The following CPZ variants were observed in gnomAD, a reference collection of about 807,000 sequenced individuals.
The protein encoded by CPZ is carboxypeptidase Z, also known as VEZT/CPZ fusion.
CPZ carries 103 observed loss-of-function variants against 61.8 expected under a neutral mutation model. That is an observed-to-expected ratio of 1.67 (90% confidence interval 1.42 to 1.96). The LOEUF (loss-of-function observed/expected upper bound fraction) is 1.96, where lower values mean the gene tolerates loss of function less well. Among genes scored for constraint, CPZ ranks in the 30% most tolerant of loss-of-function variants. The probability of loss-of-function intolerance (pLI) is 0.00; values close to 1 mark genes in which losing one functional copy is unlikely to be tolerated. For missense variants in CPZ, 1,461 were observed against 914.9 expected, an observed-to-expected ratio of 1.60 and a Z score of -7.70; for synonymous variants, 551 against 373.7, an observed-to-expected ratio of 1.47 and a Z score of -5.47.
At chr4:8,599,606 A>G (rs1394289542) in intron 2 of CPZ, 121 bp downstream of exon 2, 1 of 1,517,354 alleles carries the variant, frequency 6.6e-7, no homozygotes, top group Non-Finnish European at 8.9e-7. Flanking sequence ...AACACAGCCC[A>G]TTAATCAAAC....
chr4:8,618,348 C>G (rs1716379903), intron 9 of CPZ, 81 bp from the exon 10 acceptor site: 1 of 1,336,900 alleles, frequency 7.5e-7, no homozygotes, highest in Non-Finnish European at 1.1e-6. Context: ...CTCTGAGGAG[C>G]ATGTGGGGAA....
Position 8,604,146 on chromosome 4 carries a change from C to T in CPZ, c.667C>T (p.Leu223=). 1 of 1,586,158 alleles carries T rather than the reference C, an allele frequency of 6.3e-7. No homozygotes were observed. Among genetic ancestry groups the T allele is most frequent in the Non-Finnish European group, 8.6e-7 (1 of 1,165,994 alleles). The stretch of plus-strand genomic sequence containing the variant: ...GCGCAGCTTCGACGGCAGGGAGCTG[C>T]TGGTCATCGAGTTCTCCAGCCGCCC... The part of the protein sequence containing the change: ...IGRSFDGREL[L]VIEFSSRPGQ... Residue 223 remains leucine (L), a synonymous_variant, in exon 4 of 11, where the codon CTG becomes TTG. Coordinates refer to ENST00000360986, the MANE Select transcript of CPZ (RefSeq NM_001014447.3).
rs780813542 is a variant in CPZ, at chr4:8,619,437, T to C, written c.1779T>C (p.His593=). The change falls in exon 11 of 11, where the codon CAT becomes CAC. Residue 593 remains histidine (H), a synonymous_variant. Transcript: ENST00000360986. The part of the protein sequence containing the change: ...PLGMGPKNFI[H]GLRRTGPHDP... ...GGATGGGACCCAAGAACTTTATTCA[T>C]GGGCTGCGGAGGACTGGGCCCCACG... 1.9e-6 allele frequency: 3 copies of C among 1,613,862 alleles called. No individual in the cohort carries two copies. The highest frequency in any genetic ancestry group is 2.2e-5 in the East Asian group (1 of 44,876).
rs1027579381 is a variant in CPZ at position 8,611,916 on chromosome 4, C to T, written c.1228-111C>T. On this transcript the variant is annotated intron_variant, in intron 7 of 10. Transcript: ENST00000360986. ...CTACCTGCAGACACCATTCCCCTCT[C>T]CTATCTGCAATGCAGGTGTTTGCAC... The T allele has an allele frequency of 4.8e-6, 7 of 1,455,024 alleles. No homozygotes were observed. The African/African-American group carries it at 5.6e-5, about 12-fold the overall frequency. The allele number at this position is 1,455,024 out of a possible 1,614,324, so 90.1% of individuals were successfully genotyped here.
intron 7 of CPZ, among the ~76,000 whole-genome samples, chr4:8,609,385 A>C (rs747736952): frequency 6.8e-6 from 1 of 147,938 alleles, no homozygotes; most frequent in Non-Finnish European, 1.5e-5. Flanking sequence ...ACTCACTCTT[A>C]TTCTTTCACT....
Position 8,604,187 on chromosome 4 carries a change from G to A in CPZ, c.708G>A (p.Leu236=), listed in dbSNP as rs1402024779. 2 of 1,547,042 alleles carry A rather than the reference G, an allele frequency of 1.3e-6. No individual in the cohort carries two copies. Among genetic ancestry groups the A allele is most frequent in the Non-Finnish European group, 1.7e-6 (2 of 1,143,022 alleles). The part of the protein sequence containing the change: ...EFSSRPGQHE[L]MEPEVKLIGN... Reference sequence around the variant, plus strand: ...CCAGCCGCCCCGGCCAGCACGAGCTGAGTGAGTGCCCTTGGGAGAGCCTGG... The same window carrying A: ...CCAGCCGCCCCGGCCAGCACGAGCTAAGTGAGTGCCCTTGGGAGAGCCTGG... The change falls in exon 4 of 11, where the codon CTG becomes CTA. Residue 236 remains leucine, a splice_region_variant and synonymous_variant. Coordinates refer to ENST00000360986, the MANE Select transcript of CPZ (RefSeq NM_001014447.3).
At chr4:8,614,179 C>T (rs996181577) in intron 8 of CPZ, among the ~76,000 whole-genome samples, 180 bp from the exon 9 acceptor site, 4 of 152,232 alleles carry the variant, frequency 2.6e-5, no homozygotes, top group South Asian at 2.1e-4. Context: ...GCGTCTGTGG[C>T]GAGTACCTGC....
intron 9 of CPZ, among the ~76,000 whole-genome samples, chr4:8,617,493 A>G (rs1345194902): frequency 6.6e-6 from 1 of 152,234 alleles, no homozygotes; most frequent in African/African-American, 2.4e-5. Context: ...AAAATTATAC[A>G]ACAGTCGACA....
chr4:8,605,597 TTC>T lies in CPZ; in HGVS notation c.710-391_710-390del, dbSNP rs1491320606. Among the ~76,000 whole-genome samples, 331 of 130,276 alleles carry T rather than the reference TTC, an allele frequency of 2.5e-3. 3 individuals are homozygous for T. The highest frequency in any genetic ancestry group is 0.011 in the African/African-American group (313 of 28,316). The allele number at this position is 130,276 out of a possible 152,430, so 85.5% of individuals were successfully genotyped here. ...CATCCAGCCATCCAGCCAGCCATTA[TTC>T]ATCCATCCATCCATCCATCCATCCA... On this transcript the variant is annotated intron_variant, in intron 4 of 10. Coordinates refer to ENST00000360986, the MANE Select transcript of CPZ (RefSeq NM_001014447.3).
At position 8,614,463 on chromosome 4, in the gene CPZ, C is replaced by A; in HGVS notation, c.1468C>A (p.His490Asn). 4 of 1,613,892 alleles carry A rather than the reference C, an allele frequency of 2.5e-6. No homozygotes were observed. The highest frequency in any genetic ancestry group is 3.4e-6 in the Non-Finnish European group (4 of 1,179,872). ...GGAGGCCCTGTACATACTCTGGCAG[C>A]ACAACAAGGAGTCACTCCTGAATTT... The part of the protein sequence containing the change: ...PEEALYILWQ[H>N]NKESLLNFVE... The change falls in exon 9 of 11, where the codon CAC (histidine) becomes AAC (asparagine). Residue 490 changes from histidine to asparagine, a missense_variant. His to Asn is a moderately conservative substitution (Grantham distance 68). Transcript: ENST00000360986.
chr4:8,597,958 G>C (rs1714301852), intron 1 of CPZ, among the ~76,000 whole-genome samples: 1 of 152,192 alleles, frequency 6.6e-6, no homozygotes, highest in Non-Finnish European at 1.5e-5. Flanking sequence ...CTGGGGCTGG[G>C]CATCTTCCCT....
rs1020722645 is a variant in CPZ, at chr4:8,601,439, C to T, written c.438C>T (p.Cys146=). 12 of 1,551,606 alleles carry T rather than the reference C, an allele frequency of 7.7e-6. No homozygotes were observed. The South Asian group carries it at 9.5e-5, about 12-fold the overall frequency. ...IDMAWPYFLD[C]HRYFTREDEG... is the part of the protein sequence containing the mutation. ...TGGCCTGGCCCTACTTCCTTGACTG[C>T]CACCGCTACTTCACGAGAGAGGACG... is the stretch of plus-strand genomic sequence containing the variant. Residue 146 remains cysteine, a synonymous_variant, in exon 3 of 11, where the codon TGC becomes TGT. Coordinates refer to ENST00000360986, the MANE Select transcript of CPZ (RefSeq NM_001014447.3).
chr4:8,606,123 A>ACCACCCGCAT lies in CPZ; in HGVS notation c.850_859dup (p.Leu287ProfsTer11). 1.2e-6 allele frequency: 2 copies of ACCACCCGCAT among 1,614,100 alleles called. No individual in the cohort carries two copies. Among genetic ancestry groups the ACCACCCGCAT allele is most frequent in the Non-Finnish European group, 1.7e-6 (2 of 1,180,010 alleles). On this transcript the variant is annotated frameshift_variant, in exon 5 of 11. Transcript: ENST00000360986. LOFTEE classifies it high-confidence loss of function. Reference sequence around the variant, plus strand: ...CCCCCGCATCCAGCGCCTGCTCAACACCACCCGCATCCACCTGCTGCCCTC... The same window carrying ACCACCCGCAT: ...CCCCCGCATCCAGCGCCTGCTCAACACCACCCGCATCCACCCGCATCCACCTGCTGCCCTC...
chr4:8,610,025 C>G (rs571981430), intron 7 of CPZ, among the ~76,000 whole-genome samples: 2 of 152,212 alleles, frequency 1.3e-5, no homozygotes, highest in Admixed American at 6.5e-5. Flanking sequence ...CCCCTTTGCC[C>G]GAATCCTGCT....
At chr4:8,593,777 C>A (rs931635129) in intron 1 of CPZ, among the ~76,000 whole-genome samples, 1 of 152,178 alleles carries the variant, frequency 6.6e-6, no homozygotes, top group South Asian at 2.1e-4. Flanking sequence ...CACAATACCC[C>A]ACCCCAGTGC....
At position 8,612,117 on chromosome 4, in the gene CPZ, AGG is replaced by A. The variant is rs1715752584; in HGVS notation, c.1322_1323del (p.Gly441GlufsTer27). The A allele has an allele frequency of 1.3e-6, 2 of 1,557,086 alleles. No individual in the cohort carries two copies. The highest frequency in any genetic ancestry group is 2.8e-5 in the African/African-American group (2 of 70,578). ...TAGGTGTGGAGGCAATTTCCTGAAGAGGGGGAGCATCATCAACGGGGCGGACT... is the reference window on the plus strand; with the variant it reads ...TAGGTGTGGAGGCAATTTCCTGAAGAGGGAGCATCATCAACGGGGCGGACT... ...ENRCGGNFLK[R>X]GSIINGADWY... On this transcript the variant is annotated frameshift_variant, in exon 8 of 11. Transcript: ENST00000360986. LOFTEE classifies it high-confidence loss of function.
At chr4:8,600,852 C>T in intron 2 of CPZ, 3 of 1,059,270 alleles carry the variant, frequency 2.8e-6, no homozygotes, top group Non-Finnish European at 2.4e-6. Flanking sequence ...GGCACAGCTG[C>T]TTTGCAGATG....
intron 10 of CPZ, 35 bp from the exon 11 acceptor site, chr4:8,619,227 C>G (rs116242881): frequency 1.3e-6 from 2 of 1,553,630 alleles, no homozygotes; most frequent in Non-Finnish European, 1.7e-6. Context: ...GTCTGCAGTC[C>G]TCGTGAGAAT....
intron 1 of CPZ, among the ~76,000 whole-genome samples, chr4:8,594,912 A>G (rs1714065067): frequency 6.6e-6 from 1 of 152,032 alleles, no homozygotes; most frequent in East Asian, 1.9e-4. Flanking sequence ...AGCTGGGACT[A>G]CAGGCATCTG....
Sources: allele counts gnomAD v4.1 joint callset (sites outside exome capture counted in the v4.1 genomes callset), GRCh38; gene constraint gnomAD v4.1.1; transcripts MANE v1.5; gene names NCBI Gene and HGNC (gene_info 2026-07-23, HGNC 2026-07-21).